The following CAST variants were observed in gnomAD, a reference collection of about 807,000 sequenced individuals.
CAST encodes MIR583 host.
A neutral mutation model predicts 119.6 loss-of-function variants in CAST; 76 were observed. That is an observed-to-expected ratio of 0.64 (90% CI 0.53 to 0.77). The LOEUF (loss-of-function observed/expected upper bound fraction) is 0.77. Ranked by LOEUF, CAST falls within the 30% of genes least tolerant of loss-of-function variation. The probability of loss-of-function intolerance (pLI) is 0.00; values close to 1 mark genes in which losing one functional copy is unlikely to be tolerated. For synonymous variants in CAST, 319 were observed against 331.6 expected (o/e 0.96, Z 0.41); for missense variants, 953 against 946.5 (o/e 1.01, Z -0.09).
the CAST span, among the ~76,000 whole-genome samples, chr5:96,469,857 A>ATGTG: frequency 8.7e-6 from 1 of 114,656 alleles, no homozygotes; most frequent in African/African-American, 3.3e-5. Context: ...ATATATATAT[A>ATGTG]TGTGTGTGTA....
intron 1 of CAST, among the ~76,000 whole-genome samples, chr5:96,599,974 A>AAAAG (rs1747118229): frequency 8.0e-6 from 1 of 125,674 alleles, no homozygotes; most frequent in Admixed American, 9.9e-5. Flanking sequence ...GGCAAAAAAA[A>AAAAG]AAAAAAAAAC....
intron 1 of CAST, among the ~76,000 whole-genome samples, chr5:96,586,056 A>G (rs1205479009): frequency 1.3e-5 from 2 of 152,168 alleles, no homozygotes; most frequent in Non-Finnish European, 2.9e-5. Flanking sequence ...GCACTTACAT[A>G]TATTGTCTCA....
chr5:96,646,876 T>G (rs10061688), intron 1 of CAST, among the ~76,000 whole-genome samples: 10,695 of 152,298 alleles, frequency 0.07, 514 homozygotes, highest in Non-Finnish European at 0.11. Flanking sequence ...TTTGCTGAAG[T>G]AACTTGTACT....
intron 1 of CAST, among the ~76,000 whole-genome samples, chr5:96,643,684 C>A (rs974984179): frequency 3.9e-5 from 6 of 152,090 alleles, no homozygotes; most frequent in African/African-American, 1.4e-4. Flanking sequence ...ACCAACCTGG[C>A]CAACATGGTG....
chr5:96,383,063 T>C, the CAST span, among the ~76,000 whole-genome samples: 1 of 152,174 alleles, frequency 6.6e-6, no homozygotes, highest in Non-Finnish European at 1.5e-5. Context: ...GGAGCTTACA[T>C]TCCGTTCGGG....
intron 2 of CAST, among the ~76,000 whole-genome samples, chr5:96,681,485 G>C (rs975455383): frequency 6.6e-6 from 1 of 151,936 alleles, no homozygotes; most frequent in Non-Finnish European, 1.5e-5. Flanking sequence ...TGTAATCCCA[G>C]CACTTTGGGA....
chr5:96,027,824 A>G, the CAST span, among the ~76,000 whole-genome samples: 1 of 152,146 alleles, frequency 6.6e-6, no homozygotes, highest in Non-Finnish European at 1.5e-5. Flanking sequence ...GAGAATAAAA[A>G]AGAGACTCAA....
chr5:96,232,837 G>A, the CAST span, among the ~76,000 whole-genome samples: 1 of 151,870 alleles, frequency 6.6e-6, no homozygotes, highest in Non-Finnish European at 1.5e-5. Context: ...ATTCATAAAA[G>A]TATTAATTTA....
At chr5:96,509,249 T>C in the CAST span, among the ~76,000 whole-genome samples, 3 of 152,212 alleles carry the variant, frequency 2.0e-5, no homozygotes, top group Admixed American at 6.5e-5. Flanking sequence ...ATCTGAGGAA[T>C]AGGTCTTTGC....
At chr5:96,411,023 A>C in the CAST span, 1 of 1,423,836 alleles carries the variant, frequency 7.0e-7, no homozygotes, top group Non-Finnish European at 9.9e-7. Context: ...ATCTGTTATC[A>C]TCTATTGGGG....
the CAST span, among the ~76,000 whole-genome samples, chr5:96,429,520 G>A: frequency 2.6e-5 from 4 of 151,944 alleles, no homozygotes; most frequent in African/African-American, 4.8e-5. Context: ...CTTGTGTCAC[G>A]GGGTATTTTT....
At chr5:96,530,659 A>G (rs1745673687) in intron 1 of CAST, among the ~76,000 whole-genome samples, 1 of 152,170 alleles carries the variant, frequency 6.6e-6, no homozygotes, top group African/African-American at 2.4e-5. Context: ...GCCCAGGAGG[A>G]GAAAAACTGG....
In CAST at chr5:96,665,516, A is replaced by G. The variant is rs928179988; in HGVS notation, c.75+3019A>G. 2.0e-5 allele frequency among the ~76,000 whole-genome samples: 3 copies of G among 152,310 alleles called. No individual in the cohort carries two copies. In the East Asian group the frequency reaches 5.8e-4, roughly 29 times the overall value. On this transcript the variant is annotated intron_variant, in intron 1 of 31. Transcript: ENST00000675179. ...GTAATGGACAGTATAGCGCTAGACC[A>G]TGGACTCCTAAACTTTCTTTTTTTC...
At chr5:96,514,677 T>G in the CAST span, among the ~76,000 whole-genome samples, 1 of 152,214 alleles carries the variant, frequency 6.6e-6, no homozygotes, top group African/African-American at 2.4e-5. Flanking sequence ...GACTTATGCC[T>G]GTGTCTGAGA....
At chr5:96,707,558 T>C (rs1442378963) in intron 3 of CAST, among the ~76,000 whole-genome samples, 1 of 152,092 alleles carries the variant, frequency 6.6e-6, no homozygotes, top group Non-Finnish European at 1.5e-5. Context: ...GGCTAAATTT[T>C]GTATTTTTAG....
chr5:96,770,956 G>GA (rs1004743228), intron 30 of CAST, among the ~76,000 whole-genome samples: 5 of 152,092 alleles, frequency 3.3e-5, no homozygotes, highest in African/African-American at 4.8e-5. Context: ...GCTGTGATGA[G>GA]AAATGAAAAT....
chr5:96,424,051 AC>A, the CAST span, among the ~76,000 whole-genome samples: 1 of 152,080 alleles, frequency 6.6e-6, no homozygotes, highest in Admixed American at 6.5e-5. Context: ...CTTTTAAAAT[AC>A]ATTTTCTGAT....
the CAST span, among the ~76,000 whole-genome samples, chr5:96,446,571 G>T: frequency 5.3e-4 from 80 of 152,214 alleles, no homozygotes; most frequent in East Asian, 2.1e-3. Flanking sequence ...GAACACAAAA[G>T]GAAAATAAGC....
intron 1 of CAST, among the ~76,000 whole-genome samples, chr5:96,594,392 G>A (rs1485004262): frequency 6.6e-6 from 1 of 152,130 alleles, no homozygotes; most frequent in Non-Finnish European, 1.5e-5. Context: ...AAAAACAGTC[G>A]AGTTAGCCTT....
Sources: allele counts gnomAD v4.1 joint callset (sites outside exome capture counted in the v4.1 genomes callset), GRCh38; gene constraint gnomAD v4.1.1; transcripts MANE v1.5; gene names NCBI Gene and HGNC (gene_info 2026-07-23, HGNC 2026-07-21).